The following ADGRG7 variants were observed in gnomAD, a reference collection of about 807,000 sequenced individuals.
ADGRG7 encodes the protein G-protein coupled receptor 128.
Under a neutral mutation model 88.6 loss-of-function variants are expected in ADGRG7, and 82 were observed. That is an observed-to-expected ratio of 0.93 (90% CI 0.77 to 1.11). The LOEUF (loss-of-function observed/expected upper bound fraction) is 1.11, where lower values mean the gene tolerates loss of function less well. ADGRG7 is among the 50% of genes most tolerant of loss of function. ADGRG7 has a pLI of 0.00. For missense variants in ADGRG7, 945 were observed against 953.4 expected (o/e 0.99, Z 0.12); for synonymous variants, 381 against 345.2 (o/e 1.10, Z -1.15).
intron 10 of ADGRG7, among the ~76,000 whole-genome samples, chr3:100,649,352 C>T (rs2094924711): frequency 1.3e-5 from 2 of 152,208 alleles, no homozygotes; most frequent in Admixed American, 6.5e-5. Context: ...CTTTCCACAT[C>T]AGCAGGTTGC....
intron 1 of ADGRG7, among the ~76,000 whole-genome samples, chr3:100,624,418 T>A (rs761949996): frequency 3.9e-5 from 6 of 152,218 alleles, no homozygotes; most frequent in Non-Finnish European, 7.3e-5. Flanking sequence ...TTTAAGTTCC[T>A]TGTAGATTCT....
intron 15 of ADGRG7, among the ~76,000 whole-genome samples, chr3:100,688,025 T>C (rs1391562915): frequency 6.6e-6 from 1 of 152,180 alleles, no homozygotes; most frequent in Non-Finnish European, 1.5e-5. Context: ...TTTTGGTTGG[T>C]AAGCTATTAA....
At chr3:100,688,238 T>G (rs1222155341) in intron 15 of ADGRG7, among the ~76,000 whole-genome samples, 1 of 152,200 alleles carries the variant, frequency 6.6e-6, no homozygotes, top group Non-Finnish European at 1.5e-5. Context: ...CTTTTCATTT[T>G]TTATTGTGTC....
chr3:100,656,062 C>A, intron 13 of ADGRG7, 67 bp downstream of exon 13: 1 of 870,704 alleles, frequency 1.1e-6, no homozygotes, highest in Non-Finnish European at 1.9e-6. Flanking sequence ...GTGATATTGA[C>A]TCCGAGTGTC....
chr3:100,624,421 T>C (rs1021160100), intron 1 of ADGRG7, among the ~76,000 whole-genome samples: 1 of 152,196 alleles, frequency 6.6e-6, no homozygotes, highest in African/African-American at 2.4e-5. Flanking sequence ...AAGTTCCTTG[T>C]AGATTCTGTA....
At chr3:100,659,640 T>C in intron 13 of ADGRG7, 48 bp from the exon 14 acceptor site, 1 of 1,576,230 alleles carries the variant, frequency 6.3e-7, no homozygotes, top group Non-Finnish European at 8.7e-7. Flanking sequence ...AAGACCAGTA[T>C]GTATACCTTT....
At chr3:100,669,234 GC>G in intron 15 of ADGRG7, 129 bp downstream of exon 15, 1 of 567,952 alleles carries the variant, frequency 1.8e-6, no homozygotes. Context: ...CGCCTGTAAT[GC>G]CAGCACTTTG....
At chr3:100,646,537 A>G (rs769597187) in intron 9 of ADGRG7, 32 bp from the exon 10 acceptor site, 11 of 1,564,708 alleles carry the variant, frequency 7.0e-6, no homozygotes, top group South Asian at 6.8e-5. Context: ...GTATTTAGAA[A>G]CAGTAATTGT....
intron 1 of ADGRG7, among the ~76,000 whole-genome samples, chr3:100,619,754 C>T (rs1707280698): frequency 1.3e-5 from 2 of 152,138 alleles, no homozygotes; most frequent in African/African-American, 2.4e-5. Context: ...GAAATACAAA[C>T]TACCATCAGA....
intron 15 of ADGRG7, among the ~76,000 whole-genome samples, chr3:100,672,247 A>G (rs2094959748): frequency 6.6e-6 from 1 of 152,166 alleles, no homozygotes; most frequent in Non-Finnish European, 1.5e-5. Context: ...AGTAGCTTGC[A>G]GTTCTCCTTG....
chr3:100,670,236 T>C (rs910979386), intron 15 of ADGRG7, among the ~76,000 whole-genome samples: 1 of 152,124 alleles, frequency 6.6e-6, no homozygotes, highest in Non-Finnish European at 1.5e-5. Flanking sequence ...ACTCTTTAGG[T>C]CCCAAATAAT....
chr3:100,635,875 G>T, intron 5 of ADGRG7, 49 bp downstream of exon 5: 2 of 1,380,254 alleles, frequency 1.4e-6, no homozygotes, highest in African/African-American at 1.5e-5. Flanking sequence ...TTTTTAGAGG[G>T]GGTGTTGGGA....
At chr3:100,658,541 C>T (rs2094940616) in intron 13 of ADGRG7, among the ~76,000 whole-genome samples, 1 of 152,154 alleles carries the variant, frequency 6.6e-6, no homozygotes, top group African/African-American at 2.4e-5. Context: ...GTGGTTCAGC[C>T]ACACTAGCCT....
rs561983833 is a variant in ADGRG7, at chr3:100,635,780, G to A, written c.551G>A (p.Arg184Gln). ...GCTGAGAACATCACTAGTGCTACGC[G>A]AGTGGTTGGACAGATATTCAACACT... Reference protein sequence around the residue: ...LTAENITSATRVVGQIFNTSR... With the variant: ...LTAENITSATQVVGQIFNTSR... The change falls in exon 5 of 16, where the codon CGA (arginine) becomes CAA (glutamine). Residue 184 changes from arginine to glutamine, a missense_variant. Coordinates refer to ENST00000273352, the MANE Select transcript of ADGRG7 (RefSeq NM_032787.3). 6.2e-6 allele frequency: 10 copies of A among 1,613,754 alleles called. No homozygotes were observed. The highest frequency in any genetic ancestry group is 1.7e-5 in the Admixed American group (1 of 60,008).
rs114469019 is a variant in ADGRG7 at position 100,616,699 on chromosome 3, T to C, written c.115+6728T>C. ...AACCAGGCGTAGTGGCGCCTGCCTG[T>C]AGTCTCAGCTACTGGGGAGACTGTG... is the stretch of plus-strand genomic sequence containing the variant. On this transcript the variant is annotated intron_variant, in intron 1 of 15. Coordinates refer to ENST00000273352, the MANE Select transcript of ADGRG7 (RefSeq NM_032787.3). Among the ~76,000 whole-genome samples, 433 of 152,280 alleles carry C rather than the reference T, an allele frequency of 2.8e-3. 2 individuals are homozygous for C. The highest frequency in any genetic ancestry group is 8.1e-3 in the African/African-American group (337 of 41,568).
chr3:100,669,164 A>T, intron 15 of ADGRG7, 59 bp downstream of exon 15: 1 of 1,326,120 alleles, frequency 7.5e-7, no homozygotes, highest in Non-Finnish European at 1.0e-6. Context: ...TATCATCTTG[A>T]TATCTTAGTT....
At chr3:100,686,468 G>C (rs534977898) in intron 15 of ADGRG7, among the ~76,000 whole-genome samples, 1 of 152,178 alleles carries the variant, frequency 6.6e-6, no homozygotes, top group Non-Finnish European at 1.5e-5. Context: ...TGTCCTGAAC[G>C]ATATTGCCTA....
chr3:100,636,055 G>A (rs1452630512), intron 5 of ADGRG7, among the ~76,000 whole-genome samples: 3 of 152,132 alleles, frequency 2.0e-5, no homozygotes, highest in South Asian at 2.1e-4. Flanking sequence ...GATCATTATT[G>A]TGTTGTCTTT....
chr3:100,679,987 A>C (rs1326205249), intron 15 of ADGRG7, among the ~76,000 whole-genome samples: 1 of 152,216 alleles, frequency 6.6e-6, no homozygotes, highest in Non-Finnish European at 1.5e-5. Context: ...AAAGTATTCT[A>C]AAAAAGGTTG....
Sources: allele counts gnomAD v4.1 joint callset (sites outside exome capture counted in the v4.1 genomes callset), GRCh38; gene constraint gnomAD v4.1.1; transcripts MANE v1.5; gene names NCBI Gene and HGNC (gene_info 2026-07-23, HGNC 2026-07-21).